Variants in WDR70 observed in about 807,000 individuals in gnomAD.
WDR70 encodes the protein WD repeat domain 70, also known as WD repeat-containing protein 70.
In WDR70, 53 loss-of-function variants were observed where a neutral mutation model predicts 88.6. The observed-to-expected ratio is 0.60, with a 90% CI of 0.48 to 0.75. The LOEUF (loss-of-function observed/expected upper bound fraction) is 0.75. Ranked by LOEUF, WDR70 falls within the 30% of genes least tolerant of loss-of-function variation. The probability of loss-of-function intolerance (pLI) is 0.00; values close to 1 mark genes in which losing one functional copy is unlikely to be tolerated. For missense variants in WDR70, 610 were observed against 823.2 expected (o/e 0.74, Z 3.17); for synonymous variants, 280 against 270.0 (o/e 1.04, Z -0.36).
At chr5:37,579,099 C>T (rs879933177) in intron 9 of WDR70, among the ~76,000 whole-genome samples, 6 of 152,164 alleles carry the variant, frequency 3.9e-5, no homozygotes, top group African/African-American at 7.2e-5. Context: ...CCAGACTAAT[C>T]GCTTCAGAAG....
intron 7 of WDR70, among the ~76,000 whole-genome samples, chr5:37,469,243 C>T (rs1163737287): frequency 1.3e-5 from 2 of 151,978 alleles, no homozygotes; most frequent in Non-Finnish European, 2.9e-5. Context: ...AGGATCTACC[C>T]GATAGTAGGG....
At chr5:37,595,494 G>A (rs1317443447) in intron 9 of WDR70, among the ~76,000 whole-genome samples, 1 of 152,100 alleles carries the variant, frequency 6.6e-6, no homozygotes, top group African/African-American at 2.4e-5. Context: ...AGAGTCAATA[G>A]TATTAACATT....
intron 7 of WDR70, among the ~76,000 whole-genome samples, chr5:37,461,626 G>A (rs1033775445): frequency 6.6e-6 from 1 of 151,972 alleles, no homozygotes; most frequent in Non-Finnish European, 1.5e-5. Flanking sequence ...TGGGACTACA[G>A]GTGCCCACCA....
intron 10 of WDR70, among the ~76,000 whole-genome samples, chr5:37,632,354 G>A (rs780639739): frequency 3.3e-5 from 5 of 151,762 alleles, no homozygotes; most frequent in Admixed American, 3.3e-4. Context: ...ATTTAAAAAA[G>A]CAGTTGACTG....
intron 8 of WDR70, among the ~76,000 whole-genome samples, chr5:37,494,436 T>C (rs1740157142): frequency 6.6e-6 from 1 of 152,208 alleles, no homozygotes. Context: ...CCTAGGTATT[T>C]GGATGGACTA....
chr5:37,396,204 AG>A (rs1304717042), intron 4 of WDR70, among the ~76,000 whole-genome samples, 170 bp from the exon 5 acceptor site: 2 of 152,158 alleles, frequency 1.3e-5, no homozygotes, highest in Non-Finnish European at 2.9e-5. Flanking sequence ...AACTTTCTTA[AG>A]ATAAAATATT....
intron 5 of WDR70, among the ~76,000 whole-genome samples, chr5:37,406,277 A>G (rs1218357469): frequency 2.0e-5 from 3 of 152,182 alleles, no homozygotes; most frequent in Non-Finnish European, 4.4e-5. Flanking sequence ...TTGAAGGCAT[A>G]TTACCAGATC....
chr5:37,614,945 T>G (rs1744291909), intron 10 of WDR70, among the ~76,000 whole-genome samples: 1 of 151,840 alleles, frequency 6.6e-6, no homozygotes, highest in Non-Finnish European at 1.5e-5. Context: ...AGAGTATAAT[T>G]GATACTCTTA....
intron 5 of WDR70, among the ~76,000 whole-genome samples, chr5:37,402,083 C>G (rs1749212809): frequency 6.6e-6 from 1 of 152,164 alleles, no homozygotes; most frequent in Non-Finnish European, 1.5e-5. Context: ...TTATACCCCT[C>G]TTTTTCCTAC....
chr5:37,554,405 A>G (rs539758132), intron 9 of WDR70, among the ~76,000 whole-genome samples: 5 of 152,234 alleles, frequency 3.3e-5, no homozygotes, highest in Non-Finnish European at 2.9e-5. Flanking sequence ...ATTTGGAGGA[A>G]GATGTTGCTT....
intron 9 of WDR70, among the ~76,000 whole-genome samples, chr5:37,586,107 G>A (rs1233042194): frequency 6.6e-6 from 1 of 152,094 alleles, no homozygotes; most frequent in Admixed American, 6.5e-5. Flanking sequence ...GAGCCAAATC[G>A]AGTGTTACCT....
intron 3 of WDR70, 186 bp downstream of exon 3, chr5:37,381,871 T>C: frequency 9.7e-6 from 4 of 413,426 alleles, no homozygotes; most frequent in South Asian, 8.3e-5. Flanking sequence ...CTGGCCAACA[T>C]GGTGAAACCC....
chr5:37,684,270 A>G (rs369327110), intron 10 of WDR70, among the ~76,000 whole-genome samples: 1 of 152,088 alleles, frequency 6.6e-6, no homozygotes, highest in East Asian at 1.9e-4. Flanking sequence ...CTTTGTTCCT[A>G]TCTATATTCT....
intron 14 of WDR70, 193 bp from the exon 15 acceptor site, chr5:37,722,662 C>CA (rs1367503364): frequency 1.7e-6 from 1 of 583,596 alleles, no homozygotes; most frequent in Non-Finnish European, 3.1e-6. Flanking sequence ...CACTGACTGA[C>CA]AGACTTGCTT....
At chr5:37,489,802 T>TTTA (rs765514464) in intron 8 of WDR70, among the ~76,000 whole-genome samples, 3 of 151,604 alleles carry the variant, frequency 2.0e-5, no homozygotes, top group Non-Finnish European at 4.4e-5. Context: ...CATTTTTTTT[T>TTTA]TTATTATTAT....
At chr5:37,569,715 A>G (rs146633981) in intron 9 of WDR70, among the ~76,000 whole-genome samples, 95 of 152,302 alleles carry the variant, frequency 6.2e-4, no homozygotes, top group African/African-American at 2.2e-3. Flanking sequence ...CAGTCTAGGA[A>G]GATACTGGCT....
At chr5:37,751,388 G>C (rs1180611105) in intron 17 of WDR70, among the ~76,000 whole-genome samples, 4 of 152,172 alleles carry the variant, frequency 2.6e-5, no homozygotes, top group African/African-American at 7.2e-5. Flanking sequence ...TTAGGCTCTA[G>C]GTAGGTGTGT....
At chr5:37,592,582 C>G (rs1377250218) in intron 9 of WDR70, among the ~76,000 whole-genome samples, 1 of 152,192 alleles carries the variant, frequency 6.6e-6, no homozygotes, top group Admixed American at 6.5e-5. Context: ...TGTGTACATG[C>G]ATTTTGATTG....
chr5:37,722,604 G>A, intron 14 of WDR70: 1 of 470,314 alleles, frequency 2.1e-6, no homozygotes, highest in Non-Finnish European at 3.8e-6. Flanking sequence ...TTGTAAACTT[G>A]TGTCCTGTTG....
Sources: gnomAD v4.1 joint callset for allele counts (sites outside exome capture counted in the v4.1 genomes callset) on GRCh38, gnomAD v4.1.1 for gene constraint, MANE v1.5 for transcripts, NCBI Gene and HGNC (gene_info 2026-07-23, HGNC 2026-07-21) for gene names.